LDLRAD3: variants seen among roughly 807,000 people sequenced by gnomAD.
The protein encoded by LDLRAD3 is low density lipoprotein receptor class A domain containing 3, also known as low-density lipoprotein receptor class A domain-containing protein 3.
Under a neutral mutation model 29.4 loss-of-function variants are expected in LDLRAD3, and 20 were observed. The ratio of observed to expected loss-of-function variants is 0.68; its 90% confidence interval spans 0.48 to 0.99. The LOEUF (loss-of-function observed/expected upper bound fraction) is 0.99, where lower values mean the gene tolerates loss of function less well. Ranked by LOEUF, LDLRAD3 falls within the 50% of genes least tolerant of loss-of-function variation. The probability of loss-of-function intolerance (pLI) is 0.00; values close to 1 mark genes in which losing one functional copy is unlikely to be tolerated. For missense variants in LDLRAD3, 420 were observed against 454.3 expected (o/e 0.92, Z 0.69); for synonymous variants, 157 against 192.7 (o/e 0.81, Z 1.53).
Position 36,118,941 on chromosome 11 carries a change from T to A in LDLRAD3, c.454+20480T>A, listed in dbSNP as rs560300719. On this transcript the variant is annotated intron_variant, in intron 4 of 5. Coordinates refer to ENST00000315571, the MANE Select transcript of LDLRAD3 (RefSeq NM_174902.4). ...ATTTTATAGTGATAGAGTTATATAA[T>A]ATGTGTTCTTTTGTGACTGACTTCT... is the stretch of plus-strand genomic sequence containing the variant. Among the ~76,000 whole-genome samples the A allele has an allele frequency of 4.6e-5, 7 of 152,302 alleles. No homozygotes were observed. In the East Asian group the frequency reaches 1.4e-3, roughly 29 times the overall value.
intron 4 of LDLRAD3, among the ~76,000 whole-genome samples, chr11:36,105,603 G>A (rs899129006): frequency 5.9e-5 from 9 of 151,948 alleles, no homozygotes; most frequent in African/African-American, 1.9e-4. Flanking sequence ...TTTGGACACC[G>A]ACATCACACA....
intron 2 of LDLRAD3, among the ~76,000 whole-genome samples, chr11:36,072,370 C>T (rs1378677595): frequency 6.6e-6 from 1 of 152,154 alleles, no homozygotes; most frequent in Non-Finnish European, 1.5e-5. Flanking sequence ...GGGGAGGTGG[C>T]CAGAGACAGC....
At chr11:36,137,951 A>C (rs1462245291) in intron 4 of LDLRAD3, among the ~76,000 whole-genome samples, 1 of 152,224 alleles carries the variant, frequency 6.6e-6, no homozygotes, top group Non-Finnish European at 1.5e-5. Context: ...ACATGAGATA[A>C]GAGGAAAGTG....
intron 1 of LDLRAD3, among the ~76,000 whole-genome samples, chr11:36,030,184 C>G (rs1370292690): frequency 6.6e-6 from 1 of 152,184 alleles, no homozygotes; most frequent in African/African-American, 2.4e-5. Flanking sequence ...ATCTTCGCCC[C>G]AAACTCAGAC....
Position 36,015,633 on chromosome 11 carries a change from C to T in LDLRAD3, c.47-20470C>T, listed in dbSNP as rs926277520. ...TACAGCATTGCCAACCCCAGAGCCC[C>T]GGTGGTGCCCCCACTCCATCCTCCC... On this transcript the variant is annotated intron_variant, in intron 1 of 5. Transcript: ENST00000315571. Among the ~76,000 whole-genome samples the T allele has an allele frequency of 1.1e-4, 17 of 151,568 alleles. No individual in the cohort carries two copies. The East Asian group carries it at 2.0e-3, about 18-fold the overall frequency.
intron 4 of LDLRAD3, among the ~76,000 whole-genome samples, chr11:36,129,942 G>A (rs1853900461): frequency 6.6e-6 from 1 of 152,162 alleles, no homozygotes; most frequent in Admixed American, 6.5e-5. Flanking sequence ...GTCTCCCTCT[G>A]TAAGATAAAA....
chr11:36,063,247 C>T (rs1852734384), intron 2 of LDLRAD3, among the ~76,000 whole-genome samples: 2 of 152,174 alleles, frequency 1.3e-5, no homozygotes, highest in African/African-American at 4.8e-5. Context: ...GCAACTCTTT[C>T]ATTTCTGATG....
intron 4 of LDLRAD3, among the ~76,000 whole-genome samples, chr11:36,149,074 A>G (rs973378214): frequency 6.6e-6 from 1 of 152,066 alleles, no homozygotes; most frequent in African/African-American, 2.4e-5. Flanking sequence ...GCGTCTGGAA[A>G]CTCCTTATCT....
rs373551242 is a variant in LDLRAD3, at chr11:35,986,761, C to T, written c.46+42617C>T. On this transcript the variant is annotated intron_variant, in intron 1 of 5. Coordinates refer to ENST00000315571, the MANE Select transcript of LDLRAD3 (RefSeq NM_174902.4). Reference sequence around the variant, plus strand: ...ACATTCCATTGACCCAAACTAGTCACGTGGCCCTGCCTAACCTGGGAAATG... The same window carrying T: ...ACATTCCATTGACCCAAACTAGTCATGTGGCCCTGCCTAACCTGGGAAATG... Among the ~76,000 whole-genome samples, 24 of 152,328 alleles carry T rather than the reference C, an allele frequency of 1.6e-4. No individual in the cohort carries two copies. The East Asian group carries it at 2.9e-3, about 18-fold the overall frequency.
chr11:36,140,483 T>C (rs970728847), intron 4 of LDLRAD3, among the ~76,000 whole-genome samples: 1 of 152,120 alleles, frequency 6.6e-6, no homozygotes, highest in Non-Finnish European at 1.5e-5. Context: ...GGCTAGGGTG[T>C]AGTGGCACTA....
intron 1 of LDLRAD3, among the ~76,000 whole-genome samples, chr11:35,947,189 C>CAT (rs1851067703): frequency 6.6e-6 from 1 of 152,168 alleles, no homozygotes; most frequent in African/African-American, 2.4e-5. Context: ...TTTAGGAACA[C>CAT]TTATAATCAA....
chr11:36,195,846 C>T (rs1855024309), intron 4 of LDLRAD3, among the ~76,000 whole-genome samples: 2 of 152,018 alleles, frequency 1.3e-5, no homozygotes, highest in African/African-American at 4.8e-5. Context: ...CTGTTAATTC[C>T]CCATATGTGC....
intron 1 of LDLRAD3, among the ~76,000 whole-genome samples, chr11:35,993,588 C>G (rs1360221595): frequency 2.0e-5 from 3 of 150,748 alleles, no homozygotes; most frequent in African/African-American, 7.4e-5. Flanking sequence ...AAAAGAGGAG[C>G]TGGTGTTCTC....
chr11:36,048,942 T>C (rs1278892461), intron 2 of LDLRAD3, among the ~76,000 whole-genome samples: 1 of 152,170 alleles, frequency 6.6e-6, no homozygotes, highest in Non-Finnish European at 1.5e-5. Flanking sequence ...CCAGTCTTCT[T>C]CCCCACTTCC....
At chr11:36,121,534 G>A (rs554775366) in intron 4 of LDLRAD3, among the ~76,000 whole-genome samples, 8 of 152,216 alleles carry the variant, frequency 5.3e-5, no homozygotes, top group Non-Finnish European at 4.4e-5. Flanking sequence ...CACCACAATG[G>A]CGATGGCTCC....
intron 1 of LDLRAD3, among the ~76,000 whole-genome samples, chr11:35,991,624 G>A (rs1345792141): frequency 6.6e-6 from 1 of 152,164 alleles, no homozygotes; most frequent in Non-Finnish European, 1.5e-5. Context: ...GGTCTCTGTT[G>A]CTGAAGTAGA....
At chr11:36,029,994 T>G (rs1852215681) in intron 1 of LDLRAD3, among the ~76,000 whole-genome samples, 1 of 152,200 alleles carries the variant, frequency 6.6e-6, no homozygotes, top group African/African-American at 2.4e-5. Context: ...CCAATGGTCC[T>G]GGGCTGAACC....
chr11:36,219,442 C>A (rs1183409878), intron 4 of LDLRAD3, among the ~76,000 whole-genome samples: 2 of 152,144 alleles, frequency 1.3e-5, no homozygotes, highest in African/African-American at 4.8e-5. Flanking sequence ...CCCTTATTGG[C>A]ATAAAGATAG....
intron 1 of LDLRAD3, among the ~76,000 whole-genome samples, chr11:35,993,542 A>G (rs1851715022): frequency 6.6e-6 from 1 of 152,184 alleles, no homozygotes; most frequent in East Asian, 1.9e-4. Flanking sequence ...AGGGGATCAT[A>G]GAAAATGAAG....
Sources: allele counts gnomAD v4.1 joint callset (sites outside exome capture counted in the v4.1 genomes callset), GRCh38; gene constraint gnomAD v4.1.1; transcripts MANE v1.5; gene names NCBI Gene and HGNC (gene_info 2026-07-23, HGNC 2026-07-21).